RCL1: variants seen among roughly 807,000 people sequenced by gnomAD.
RCL1 encodes RNA terminal phosphate cyclase like 1.
In RCL1, 24 loss-of-function variants were observed where a neutral mutation model predicts 42.4. The ratio of observed to expected loss-of-function variants is 0.57; its 90% CI spans 0.41 to 0.80. The LOEUF (loss-of-function observed/expected upper bound fraction) is 0.80. RCL1 is among the 30% of genes least tolerant of loss of function. The pLI, the probability that RCL1 is intolerant of heterozygous loss-of-function variation, is 0.00. For synonymous variants in RCL1, 228 were observed against 177.3 expected, an observed-to-expected ratio of 1.29 and a Z score of -2.27; for missense variants, 578 against 467.9, an observed-to-expected ratio of 1.24 and a Z score of -2.17.
chr9:4,826,690 G>A (rs140032861), intron 2 of RCL1, among the ~76,000 whole-genome samples, 168 bp from the exon 3 acceptor site: 311 of 152,328 alleles, frequency 2.0e-3, no homozygotes, highest in African/African-American at 7.1e-3. Flanking sequence ...GGGCTTGACA[G>A]TAGTGAGTCA....
Position 4,860,983 on chromosome 9 carries a change from C to T in RCL1, c.*708C>T, listed in dbSNP as rs1317517374. On this transcript the variant is annotated 3_prime_UTR_variant, in exon 9 of 9. Transcript: ENST00000381750. ...TCACAATAGCTCTGTGATGTAAGTG[C>T]TATCTCCATGAGAAAATTCATAAAG... 2.0e-5 allele frequency: 3 copies of T among 152,140 alleles called. No individual in the cohort carries two copies. Among genetic ancestry groups the T allele is most frequent in the Admixed American group, 6.5e-5 (1 of 15,280 alleles). The allele number at this position is 152,140 out of a possible 1,614,324, so 9.4% of individuals were successfully genotyped here. A position where few individuals can be genotyped will look rare whatever the true frequency, so the allele number is the denominator to read the frequency against.
chr9:4,830,763 G>C (rs920872779), intron 3 of RCL1, among the ~76,000 whole-genome samples: 1 of 152,160 alleles, frequency 6.6e-6, no homozygotes, highest in African/African-American at 2.4e-5. Context: ...TTTCAGACAA[G>C]GTAACTGGAG....
At chr9:4,842,917 G>A (rs1031357828) in intron 6 of RCL1, among the ~76,000 whole-genome samples, 2 of 152,146 alleles carry the variant, frequency 1.3e-5, no homozygotes, top group African/African-American at 4.8e-5. Context: ...CAGCCATCCT[G>A]CCACCAGCTT....
intron 1 of RCL1, among the ~76,000 whole-genome samples, chr9:4,802,418 C>T (rs1056647438): frequency 8.5e-5 from 13 of 152,134 alleles, no homozygotes; most frequent in African/African-American, 3.1e-4. Flanking sequence ...AATTATATTA[C>T]ACCCATATGT....
intron 1 of RCL1, among the ~76,000 whole-genome samples, chr9:4,822,179 C>T (rs551362883): frequency 6.6e-6 from 1 of 152,328 alleles, no homozygotes; most frequent in South Asian, 2.1e-4. Flanking sequence ...TGTTATGTAA[C>T]AGACTAGGTA....
intron 8 of RCL1, among the ~76,000 whole-genome samples, chr9:4,853,617 G>A (rs1473716018): frequency 2.0e-5 from 3 of 152,170 alleles, no homozygotes; most frequent in Non-Finnish European, 2.9e-5. Context: ...CACCGTGCCC[G>A]GCCAACCCAT....
intron 7 of RCL1, 52 bp from the exon 8 acceptor site, chr9:4,849,393 CTT>C (rs1817635756): frequency 1.4e-6 from 2 of 1,394,200 alleles, no homozygotes; most frequent in East Asian, 2.3e-5. Flanking sequence ...TTCCTCCTCT[CTT>C]TTGTTGGCTT....
chr9:4,858,616 A>T (rs553318699), intron 8 of RCL1, among the ~76,000 whole-genome samples: 1 of 152,178 alleles, frequency 6.6e-6, no homozygotes, highest in East Asian at 1.9e-4. Context: ...TGTTGCAATG[A>T]TTATGCTTTC....
chr9:4,834,471 C>CTTTTTTTTTTTTTTTTTTTTT (rs5896097), intron 5 of RCL1, among the ~76,000 whole-genome samples: 1 of 128,432 alleles, frequency 7.8e-6, no homozygotes, highest in Non-Finnish European at 1.6e-5. Context: ...TTGAGTCATT[C>CTTTTTTTTTTTTTTTTTTTTT]TTTTTTTTTT....
intron 1 of RCL1, among the ~76,000 whole-genome samples, chr9:4,818,373 C>T (rs1004647947): frequency 6.6e-6 from 1 of 151,822 alleles, no homozygotes; most frequent in African/African-American, 2.4e-5. Flanking sequence ...TGGTTCTTTA[C>T]ATTAAAATAT....
At position 4,793,057 on chromosome 9, in the gene RCL1, C is replaced by G; in HGVS notation, c.-35C>G. On this transcript the variant is annotated 5_prime_UTR_variant, in exon 1 of 9. Transcript: ENST00000381750. Reference sequence around the variant, plus strand: ...CCCGCGTCTGTCCGAAGTCGCCGCTCTCGGGCTGCTCACGTCTCTTCGGAG... The same window carrying G: ...CCCGCGTCTGTCCGAAGTCGCCGCTGTCGGGCTGCTCACGTCTCTTCGGAG... 6.3e-7 allele frequency: 1 copy of G among 1,593,746 alleles called. No homozygotes were observed. Among genetic ancestry groups the G allele is most frequent in the South Asian group, 1.1e-5 (1 of 88,280 alleles).
At chr9:4,798,144 T>G (rs1842943263) in intron 1 of RCL1, among the ~76,000 whole-genome samples, 1 of 152,242 alleles carries the variant, frequency 6.6e-6, no homozygotes, top group South Asian at 2.1e-4. Context: ...CTGAAGGACC[T>G]GTTCTCTCTC....
intron 8 of RCL1, among the ~76,000 whole-genome samples, chr9:4,853,441 C>T (rs1457130643): frequency 6.6e-6 from 1 of 152,024 alleles, no homozygotes; most frequent in Admixed American, 6.6e-5. Context: ...CCTGCCTCAG[C>T]CTCCTGAGTA....
chr9:4,814,762 C>A (rs908688549), intron 1 of RCL1, among the ~76,000 whole-genome samples: 23 of 151,946 alleles, frequency 1.5e-4, no homozygotes, highest in African/African-American at 5.3e-4. Context: ...ATCATTTTTT[C>A]ATTTCTAGAT....
At chr9:4,839,898 A>G (rs1817256349) in intron 5 of RCL1, 3 of 985,348 alleles carry the variant, frequency 3.0e-6, no homozygotes, top group Non-Finnish European at 3.6e-6. Flanking sequence ...TGCCGGCTGG[A>G]GGGTTTCAGG....
chr9:4,836,685 G>A (rs1161412518), intron 5 of RCL1: 1 of 152,358 alleles, frequency 6.6e-6, no homozygotes. Flanking sequence ...GTGTTCTCAG[G>A]AGGTTTGGCA....
Position 4,834,238 on chromosome 9 carries a change from G to T in RCL1, c.557G>T (p.Gly186Val). ...VLKPIQLTDPGKIKRIRGMAY... is the reference protein window; with the variant it reads ...VLKPIQLTDPVKIKRIRGMAY... The stretch of plus-strand genomic sequence containing the variant: ...AAGCCCATTCAACTCACAGATCCAG[G>T]AAAAATCAAACGTATTAGAGGAATG... Residue 186 changes from glycine (G) to valine (V), a missense_variant, in exon 5 of 9, where the codon GGA (glycine) becomes GTA (valine). Coordinates refer to ENST00000381750, the MANE Select transcript of RCL1 (RefSeq NM_005772.5). 6.2e-7 allele frequency: 1 copy of T among 1,613,216 alleles called. No homozygotes were observed. Among genetic ancestry groups the T allele is most frequent in the Non-Finnish European group, 8.5e-7 (1 of 1,179,532 alleles).
intron 5 of RCL1, among the ~76,000 whole-genome samples, chr9:4,840,769 G>A (rs955086161): frequency 1.3e-5 from 2 of 152,088 alleles, no homozygotes; most frequent in South Asian, 2.1e-4. Flanking sequence ...GATTGGGATC[G>A]CCCAGGTCCT....
rs1842854927 is a variant in RCL1, at chr9:4,793,077, T to G, written c.-15T>G. The G allele has an allele frequency of 6.2e-7, 1 of 1,606,654 alleles. No homozygotes were observed. Among genetic ancestry groups the G allele is most frequent in the Non-Finnish European group, 8.5e-7 (1 of 1,176,938 alleles). On this transcript the variant is annotated 5_prime_UTR_variant, in exon 1 of 9. Coordinates refer to ENST00000381750, the MANE Select transcript of RCL1 (RefSeq NM_005772.5). ...CCGCTCTCGGGCTGCTCACGTCTCT[T>G]CGGAGAGCGCGCACATGGCGACTCA...
Sources: allele counts gnomAD v4.1 joint callset (sites outside exome capture counted in the v4.1 genomes callset), GRCh38; gene constraint gnomAD v4.1.1; transcripts MANE v1.5; gene names NCBI Gene and HGNC (gene_info 2026-07-23, HGNC 2026-07-21).